DLC1: variants seen among roughly 807,000 people sequenced by gnomAD.
DLC1 encodes the protein rho GTPase-activating protein 7.
Under a neutral mutation model 140.3 loss-of-function variants are expected in DLC1, and 54 were observed. The observed-to-expected ratio is 0.38, with a 90% CI of 0.31 to 0.48. The LOEUF is 0.48. Among genes scored for constraint, DLC1 ranks in the 20% least tolerant of loss-of-function variants. The pLI, the probability that DLC1 is intolerant of heterozygous loss-of-function variation, is 0.96. For synonymous variants in DLC1, 986 were observed against 728.1 expected (o/e 1.35, Z -5.70); for missense variants, 2,536 against 1,907.0 (o/e 1.33, Z -6.14).
intron 2 of DLC1, among the ~76,000 whole-genome samples, chr8:13,412,616 A>G (rs1292264526): frequency 6.6e-6 from 1 of 152,108 alleles, no homozygotes; most frequent in Non-Finnish European, 1.5e-5. Flanking sequence ...GCCATGAGTA[A>G]CCTACGTAAT....
chr8:13,275,548 T>A (rs2117401259), intron 5 of DLC1, among the ~76,000 whole-genome samples: 1 of 152,290 alleles, frequency 6.6e-6, no homozygotes, highest in Non-Finnish European at 1.5e-5. Context: ...TTTTTTCATA[T>A]CGTAGTGAGA....
chr8:13,520,914 A>G (rs1802745124), intron 1 of DLC1, among the ~76,000 whole-genome samples: 1 of 152,146 alleles, frequency 6.6e-6, no homozygotes. Flanking sequence ...ACACCATAAT[A>G]TTCTCTGAAA....
At chr8:13,530,030 G>A (rs1342196003) in intron 1 of DLC1, among the ~76,000 whole-genome samples, 1 of 152,100 alleles carries the variant, frequency 6.6e-6, no homozygotes, top group African/African-American at 2.4e-5. Context: ...GAGGGTTGGA[G>A]GAAAAACAGA....
intron 5 of DLC1, among the ~76,000 whole-genome samples, chr8:13,275,256 A>T (rs1474583845): frequency 6.6e-6 from 1 of 152,226 alleles, no homozygotes; most frequent in Admixed American, 6.5e-5. Flanking sequence ...CGCACACTTT[A>T]AATTTCCCCT....
intron 5 of DLC1, chr8:13,133,317 C>G (rs1166741682): frequency 1.0e-5 from 12 of 1,199,324 alleles, no homozygotes; most frequent in Non-Finnish European, 1.2e-5. Context: ...CCAGCCGGGC[C>G]CTCCCGCTGG....
chr8:13,302,686 T>C (rs1481222873), intron 5 of DLC1, among the ~76,000 whole-genome samples: 1 of 137,940 alleles, frequency 7.2e-6, no homozygotes, highest in Non-Finnish European at 1.6e-5. Flanking sequence ...TAAAGAACAA[T>C]AGGCTACATT....
In DLC1 at chr8:13,142,045, G is replaced by A. The variant is rs147788597; in HGVS notation, c.1349-26388C>T. 3.5e-3 allele frequency among the ~76,000 whole-genome samples: 527 copies of A among 152,236 alleles called. 4 individuals are homozygous for A. The highest frequency in any genetic ancestry group is 0.023 in the South Asian group (111 of 4,814). On this transcript the variant is annotated intron_variant, in intron 5 of 17. Transcript: ENST00000276297. ...CTCGTGATAGTGAGTGAATTCTCAC[G>A]AGATCTGATGGTTTTATAAATGGTA...
intron 5 of DLC1, among the ~76,000 whole-genome samples, chr8:13,242,081 C>T (rs1180329517): frequency 6.6e-6 from 1 of 152,150 alleles, no homozygotes; most frequent in East Asian, 1.9e-4. Flanking sequence ...AGGTAAAACA[C>T]TCATGCACTC....
intron 5 of DLC1, 29 bp downstream of exon 5, chr8:13,305,240 G>A (rs368416857): frequency 1.1e-5 from 18 of 1,604,578 alleles, no homozygotes; most frequent in Middle Eastern, 1.7e-4. Context: ...ATAGATTGGC[G>A]AGAAAACAGA....
chr8:13,152,669 C>T (rs765932131), intron 5 of DLC1, among the ~76,000 whole-genome samples: 1 of 151,886 alleles, frequency 6.6e-6, no homozygotes, highest in Non-Finnish European at 1.5e-5. Flanking sequence ...TAGCCAGGGA[C>T]AGTGGCTTGG....
chr8:13,335,933 C>T (rs1258865939), intron 4 of DLC1, among the ~76,000 whole-genome samples: 8 of 151,822 alleles, frequency 5.3e-5, no homozygotes, highest in African/African-American at 9.7e-5. Context: ...AGTTTTCTTT[C>T]ATAAAAATTG....
intron 5 of DLC1, among the ~76,000 whole-genome samples, chr8:13,290,672 G>A (rs7013667): frequency 0.05 from 7,621 of 152,216 alleles, 235 homozygotes; most frequent in South Asian, 0.12. Flanking sequence ...GTGTTTGGGG[G>A]AAAAGTGCCA....
chr8:13,483,829 C>G (rs1800847740), intron 2 of DLC1, among the ~76,000 whole-genome samples: 3 of 152,034 alleles, frequency 2.0e-5, no homozygotes, highest in Admixed American at 2.0e-4. Flanking sequence ...CACCTGTAAT[C>G]CCAGCATTTT....
chr8:13,459,911 T>A (rs59715705), intron 2 of DLC1, among the ~76,000 whole-genome samples: 1 of 152,126 alleles, frequency 6.6e-6, no homozygotes, highest in Non-Finnish European at 1.5e-5. Context: ...TGACACGCCC[T>A]CATCTCGCCC....
At chr8:13,439,879 A>G (rs984307098) in intron 2 of DLC1, among the ~76,000 whole-genome samples, 2 of 152,140 alleles carry the variant, frequency 1.3e-5, no homozygotes, top group Non-Finnish European at 2.9e-5. Flanking sequence ...TTTAAACACA[A>G]TCGCCTCACA....
rs183828385 is a variant in DLC1, at chr8:13,591,261, C to T, written c.-126+13276G>A. On this transcript the variant is annotated intron_variant, in intron 1 of 1. Coordinates refer to the DLC1 transcript ENST00000631382. ...ATATGGTTTGGCTTTGTGTCCTCAC[C>T]CAAACCTCATCTTGAATTGTAATCC... is the stretch of plus-strand genomic sequence containing the variant. 1.2e-4 allele frequency among the ~76,000 whole-genome samples: 18 copies of T among 152,072 alleles called. No homozygotes were observed. In the East Asian group the frequency reaches 3.5e-3, roughly 29 times the overall value.
At chr8:13,325,355 A>G (rs1833293940) in intron 4 of DLC1, among the ~76,000 whole-genome samples, 1 of 152,278 alleles carries the variant, frequency 6.6e-6, no homozygotes, top group Non-Finnish European at 1.5e-5. Context: ...TACGTACAAG[A>G]AATTTTTTTC....
chr8:13,433,815 G>GAT (rs1838992097), intron 2 of DLC1, among the ~76,000 whole-genome samples: 1 of 152,118 alleles, frequency 6.6e-6, no homozygotes, highest in South Asian at 2.1e-4. Context: ...AGAAAAAGTG[G>GAT]ATGTTCCTAA....
chr8:13,112,090 G>A (rs1053283096), intron 6 of DLC1, among the ~76,000 whole-genome samples: 4 of 152,138 alleles, frequency 2.6e-5, no homozygotes, highest in Non-Finnish European at 5.9e-5. Context: ...GTTTGAGGCT[G>A]CAGTGAACTC....
Sources: allele counts gnomAD v4.1 joint callset (sites outside exome capture counted in the v4.1 genomes callset), GRCh38; gene constraint gnomAD v4.1.1; transcripts MANE v1.5; gene names NCBI Gene and HGNC (gene_info 2026-07-23, HGNC 2026-07-21).